ENTREP2: variants seen among roughly 807,000 people sequenced by gnomAD.
ENTREP2 encodes endosomal transmembrane epsin interactor 2.
the ENTREP2 span, among the ~76,000 whole-genome samples, chr15:29,210,308 C>T: frequency 6.6e-6 from 1 of 152,178 alleles, no homozygotes; most frequent in South Asian, 2.1e-4. Context: ...AACGTGCCTG[C>T]ACATTCTTCC....
At chr15:29,660,108 A>T in the ENTREP2 span, among the ~76,000 whole-genome samples, 1 of 152,138 alleles carries the variant, frequency 6.6e-6, no homozygotes, top group South Asian at 2.1e-4. Context: ...AGCCACCACT[A>T]TGTTTATGTA....
At chr15:29,625,526 G>A in the ENTREP2 span, among the ~76,000 whole-genome samples, 1 of 151,944 alleles carries the variant, frequency 6.6e-6, no homozygotes. Flanking sequence ...CTCCCGAGTA[G>A]CTAAGACTAC....
chr15:29,453,147 CA>C, the ENTREP2 span, among the ~76,000 whole-genome samples: 3 of 152,222 alleles, frequency 2.0e-5, no homozygotes, highest in Non-Finnish European at 4.4e-5. Flanking sequence ...GCCAATGCCA[CA>C]CCACAGTCAC....
the ENTREP2 span, among the ~76,000 whole-genome samples, chr15:29,242,249 G>T: frequency 6.6e-6 from 1 of 151,782 alleles, no homozygotes; most frequent in African/African-American, 2.4e-5. Context: ...TGTATTTTTT[G>T]GTAGAGATGG....
At chr15:29,549,551 T>C in the ENTREP2 span, among the ~76,000 whole-genome samples, 1 of 152,224 alleles carries the variant, frequency 6.6e-6, no homozygotes, top group African/African-American at 2.4e-5. Flanking sequence ...ATTACAGGCA[T>C]GAGCCACTGT....
At chr15:29,290,706 A>AG in the ENTREP2 span, among the ~76,000 whole-genome samples, 8 of 152,222 alleles carry the variant, frequency 5.3e-5, no homozygotes, top group African/African-American at 1.9e-4. Flanking sequence ...GTCTGTGCTT[A>AG]GACAGAGCTT....
chr15:29,618,928 A>G, the ENTREP2 span, among the ~76,000 whole-genome samples: 2 of 152,230 alleles, frequency 1.3e-5, no homozygotes, highest in African/African-American at 4.8e-5. Flanking sequence ...AGAAAGTTAC[A>G]TGCAGGAGAC....
the ENTREP2 span, among the ~76,000 whole-genome samples, chr15:29,601,121 T>G: frequency 4.2e-4 from 63 of 148,834 alleles, no homozygotes; most frequent in African/African-American, 1.4e-3. Context: ...ATGGTCTCGA[T>G]CTCCTGACCT....
At chr15:29,144,439 T>C in the ENTREP2 span, among the ~76,000 whole-genome samples, 1 of 152,052 alleles carries the variant, frequency 6.6e-6, no homozygotes, top group African/African-American at 2.4e-5. Flanking sequence ...ATCAAATATT[T>C]AAAGAAGGGC....
chr15:29,169,234 G>A, the ENTREP2 span, among the ~76,000 whole-genome samples: 8 of 152,122 alleles, frequency 5.3e-5, no homozygotes, highest in Admixed American at 2.0e-4. Flanking sequence ...AAACAATGTT[G>A]AACAAAACAC....
the ENTREP2 span, among the ~76,000 whole-genome samples, chr15:29,445,146 A>C: frequency 6.6e-6 from 1 of 152,130 alleles, no homozygotes; most frequent in Non-Finnish European, 1.5e-5. Flanking sequence ...GAGCTTTTGG[A>C]GGTGATTTGG....
chr15:29,341,768 C>T, the ENTREP2 span, among the ~76,000 whole-genome samples: 22 of 152,092 alleles, frequency 1.4e-4, no homozygotes, highest in African/African-American at 3.4e-4. Flanking sequence ...GGAAAAGAAC[C>T]GGGAGAAGCA....
At chr15:29,592,825 A>C in the ENTREP2 span, among the ~76,000 whole-genome samples, 1 of 152,128 alleles carries the variant, frequency 6.6e-6, no homozygotes, top group Non-Finnish European at 1.5e-5. Flanking sequence ...CAAAAGCTGG[A>C]TGTTCAAAAG....
At chr15:29,449,594 G>A in the ENTREP2 span, among the ~76,000 whole-genome samples, 1 of 152,206 alleles carries the variant, frequency 6.6e-6, no homozygotes, top group Non-Finnish European at 1.5e-5. Context: ...GAACCACTCT[G>A]AAGCACAGAA....
chr15:29,293,422 T>TG, the ENTREP2 span, among the ~76,000 whole-genome samples: 1 of 108,872 alleles, frequency 9.2e-6, no homozygotes, highest in Non-Finnish European at 2.4e-5. Flanking sequence ...TAATTTTTTG[T>TG]ATTTTTTTTT....
chr15:29,665,139 C>T, the ENTREP2 span, among the ~76,000 whole-genome samples: 1 of 152,238 alleles, frequency 6.6e-6, no homozygotes, highest in South Asian at 2.1e-4. Flanking sequence ...CAGCCAGAGA[C>T]CTCTGCAGGG....
the ENTREP2 span, among the ~76,000 whole-genome samples, chr15:29,404,573 C>T: frequency 2.0e-5 from 3 of 151,756 alleles, no homozygotes; most frequent in South Asian, 4.2e-4. Context: ...CCCCCACTCA[C>T]ACTCCCCAGC....
the ENTREP2 span, among the ~76,000 whole-genome samples, chr15:29,127,695 G>C: frequency 6.6e-6 from 1 of 152,178 alleles, no homozygotes; most frequent in Non-Finnish European, 1.5e-5. Context: ...CACCGCCCAG[G>C]TCCCAGGAGG....
At chr15:29,177,598 A>T in the ENTREP2 span, among the ~76,000 whole-genome samples, 2 of 152,132 alleles carry the variant, frequency 1.3e-5, no homozygotes, top group African/African-American at 4.8e-5. Flanking sequence ...CGGGGTCTGC[A>T]CCCACGAAAC....
Sources: allele counts gnomAD v4.1 joint callset (sites outside exome capture counted in the v4.1 genomes callset), GRCh38; gene constraint gnomAD v4.1.1; transcripts MANE v1.5; gene names NCBI Gene and HGNC (gene_info 2026-07-23, HGNC 2026-07-21).